DAPK1: variants seen among roughly 807,000 people sequenced by gnomAD.
DAPK1 encodes the protein death associated protein kinase 1.
DAPK1 carries 56 observed loss-of-function variants against 144.9 expected under a neutral mutation model. The observed-to-expected ratio is 0.39, with a 90% CI of 0.31 to 0.48. DAPK1 has a LOEUF of 0.48. Ranked by LOEUF, DAPK1 falls within the 20% of genes least tolerant of loss-of-function variation. The pLI, the probability that DAPK1 is intolerant of heterozygous loss-of-function variation, is 0.95. For missense variants in DAPK1, 1,454 were observed against 1,875.4 expected (o/e 0.78, Z 4.15); for synonymous variants, 690 against 749.0 (o/e 0.92, Z 1.29).
Position 87,708,151 on chromosome 9 carries a change from C to CTTTTT in DAPK1, c.*787_*788insTTTTT. ...AGACATTTTTCCGTTTGCTTTTGTT[C>CTTTTT]CAATGTCAATGTGAACGTCCACATG... On this transcript the variant is annotated 3_prime_UTR_variant, in exon 26 of 26. Transcript: ENST00000408954. The CTTTTT allele has an allele frequency of 7.7e-6, 2 of 259,706 alleles. No individual in the cohort carries two copies. The highest frequency in any genetic ancestry group is 4.4e-5 in the South Asian group (1 of 22,616). 16.1% of individuals were successfully genotyped at this position (259,706 alleles called of 1,614,324 possible).
chr9:87,656,878 T>C (rs1830647676), intron 17 of DAPK1, among the ~76,000 whole-genome samples: 2 of 152,134 alleles, frequency 1.3e-5, no homozygotes. Context: ...TGGGAGGAAA[T>C]GGACAAAAAT....
intron 4 of DAPK1, 143 bp downstream of exon 4, chr9:87,638,224 G>C: frequency 1.2e-6 from 1 of 868,438 alleles, no homozygotes; most frequent in Non-Finnish European, 1.7e-6. Context: ...ACTATAAATC[G>C]GCAAGCATAG....
intron 3 of DAPK1, among the ~76,000 whole-genome samples, chr9:87,621,115 T>C (rs1046672471): frequency 6.6e-6 from 1 of 152,184 alleles, no homozygotes; most frequent in African/African-American, 2.4e-5. Context: ...CTTTCCTTTC[T>C]ACCCTCCCTC....
chr9:87,704,991 A>G (rs3118862), intron 25 of DAPK1, among the ~76,000 whole-genome samples: 65,651 of 151,568 alleles, frequency 0.43, 14,768 homozygotes, highest in Middle Eastern at 0.61. Context: ...CCAAAAAGCT[A>G]AAGTCCCCTT....
intron 11 of DAPK1, among the ~76,000 whole-genome samples, chr9:87,643,760 A>G (rs560542320): frequency 5.3e-5 from 8 of 152,188 alleles, no homozygotes; most frequent in Non-Finnish European, 7.4e-5. Flanking sequence ...ACACACACAC[A>G]TACACACATG....
chr9:87,642,125 G>A, intron 10 of DAPK1, 67 bp downstream of exon 10: 1 of 1,294,530 alleles, frequency 7.7e-7, no homozygotes, highest in South Asian at 1.2e-5. Flanking sequence ...TGTGGTCAGG[G>A]TGCATCTCCT....
chr9:87,626,520 T>G (rs923845310), intron 3 of DAPK1, among the ~76,000 whole-genome samples: 1 of 152,168 alleles, frequency 6.6e-6, no homozygotes, highest in Non-Finnish European at 1.5e-5. Context: ...GAATATAAGG[T>G]TATGCAGCCC....
intron 24 of DAPK1, 54 bp downstream of exon 24, chr9:87,700,291 C>T (rs1825416558): frequency 6.6e-7 from 1 of 1,514,396 alleles, no homozygotes; most frequent in South Asian, 1.1e-5. Flanking sequence ...TCCTGGTTTG[C>T]CTCTGGTTTC....
intron 2 of DAPK1, among the ~76,000 whole-genome samples, chr9:87,535,498 G>C (rs1825829219): frequency 6.6e-6 from 1 of 152,118 alleles, no homozygotes; most frequent in African/African-American, 2.4e-5. Context: ...CTAATTTGGG[G>C]TTCTCATGTG....
chr9:87,573,474 A>AGAGG (rs1193718849), intron 2 of DAPK1, among the ~76,000 whole-genome samples: 2 of 152,212 alleles, frequency 1.3e-5, no homozygotes, highest in Non-Finnish European at 2.9e-5. Context: ...GAAGGAGCAG[A>AGAGG]GAGGGAGGGA....
In DAPK1 at chr9:87,555,124, A is replaced by C. The variant is rs149023563; in HGVS notation, c.63-49830A>C. ...CCTCAAGGGCAGCCTCAGTATTATG[A>C]CTTAAGGACTTGGGGGTTTACATAA... is the stretch of plus-strand genomic sequence containing the variant. On this transcript the variant is annotated intron_variant, in intron 2 of 25. Transcript: ENST00000408954. Among the ~76,000 whole-genome samples the C allele has an allele frequency of 5.4e-3, 828 of 152,298 alleles. 6 individuals are homozygous for C. The highest frequency in any genetic ancestry group is 0.01 in the Middle Eastern group (3 of 294).
At chr9:87,500,656 A>C (rs1453168953) in intron 2 of DAPK1, among the ~76,000 whole-genome samples, 2 of 152,116 alleles carry the variant, frequency 1.3e-5, no homozygotes, top group Non-Finnish European at 2.9e-5. Flanking sequence ...GTTATGAGAA[A>C]GAAATAGAAA....
At chr9:87,591,917 G>A (rs1028647907) in intron 2 of DAPK1, among the ~76,000 whole-genome samples, 1 of 152,188 alleles carries the variant, frequency 6.6e-6, no homozygotes, top group African/African-American at 2.4e-5. Context: ...ATGGAAGTCA[G>A]TACCCTGGAG....
intron 2 of DAPK1, among the ~76,000 whole-genome samples, chr9:87,583,536 C>T (rs975660923): frequency 6.6e-6 from 1 of 152,136 alleles, no homozygotes; most frequent in Admixed American, 6.5e-5. Flanking sequence ...TGAATTGACC[C>T]CAAGTTTAAG....
chr9:87,696,953 T>C, intron 21 of DAPK1, 54 bp from the exon 22 acceptor site: 1 of 893,044 alleles, frequency 1.1e-6, no homozygotes, highest in Non-Finnish European at 1.9e-6. Flanking sequence ...GAATTTATGA[T>C]TGAAATTTGG....
chr9:87,584,297 A>AT (rs913164951), intron 2 of DAPK1, among the ~76,000 whole-genome samples: 13 of 151,882 alleles, frequency 8.6e-5, no homozygotes, highest in Non-Finnish European at 1.8e-4. Context: ...TTCTCTTACC[A>AT]TTTTTTCTGG....
At chr9:87,521,602 T>G (rs1041041186) in intron 2 of DAPK1, among the ~76,000 whole-genome samples, 1 of 152,228 alleles carries the variant, frequency 6.6e-6, no homozygotes, top group Non-Finnish European at 1.5e-5. Context: ...ATGTCAGCAC[T>G]GGGGCACTGT....
intron 2 of DAPK1, among the ~76,000 whole-genome samples, chr9:87,548,615 A>C (rs376354366): frequency 6.6e-6 from 1 of 152,218 alleles, no homozygotes; most frequent in East Asian, 1.9e-4. Flanking sequence ...TCCCTCACTC[A>C]AAGAGGAAAG....
chr9:87,530,983 T>C (rs1412019298), intron 2 of DAPK1, among the ~76,000 whole-genome samples: 3 of 152,178 alleles, frequency 2.0e-5, no homozygotes, highest in Non-Finnish European at 4.4e-5. Context: ...GCGCCAGGCC[T>C]TTTAAAAACA....
Sources: allele counts gnomAD v4.1 joint callset (sites outside exome capture counted in the v4.1 genomes callset), GRCh38; gene constraint gnomAD v4.1.1; transcripts MANE v1.5; gene names NCBI Gene and HGNC (gene_info 2026-07-23, HGNC 2026-07-21).